LHFPL2: variants seen among roughly 807,000 people sequenced by gnomAD.
LHFPL2 encodes the protein LHFPL tetraspan subfamily member 2 protein.
Under a neutral mutation model 17.5 loss-of-function variants are expected in LHFPL2, and 7 were observed. That is an observed-to-expected ratio of 0.40 (90% CI 0.23 to 0.75). The LOEUF (loss-of-function observed/expected upper bound fraction) is 0.75, where lower values mean the gene tolerates loss of function less well. LHFPL2 is among the 30% of genes least tolerant of loss of function. The pLI, the probability that LHFPL2 is intolerant of heterozygous loss-of-function variation, is 0.37. For missense variants in LHFPL2, 241 were observed against 294.8 expected, an observed-to-expected ratio of 0.82 and a Z score of 1.34; for synonymous variants, 134 against 116.2, an observed-to-expected ratio of 1.15 and a Z score of -0.99.
At chr5:78,583,645 G>C (rs1438267420) in intron 2 of LHFPL2, among the ~76,000 whole-genome samples, 5 of 152,326 alleles carry the variant, frequency 3.3e-5, no homozygotes, top group Admixed American at 6.5e-5. Flanking sequence ...TTTCTGCCAA[G>C]AGATCTGCTG....
chr5:78,623,949 C>A (rs1030320661), intron 2 of LHFPL2, among the ~76,000 whole-genome samples: 1 of 152,186 alleles, frequency 6.6e-6, no homozygotes, highest in Non-Finnish European at 1.5e-5. Context: ...ACTATAAGGA[C>A]ACTACCACCA....
Position 78,648,302 on chromosome 5 carries a change from C to A in LHFPL2, c.-350+197G>T, listed in dbSNP as rs1345172543. Among the ~76,000 whole-genome samples the A allele has an allele frequency of 6.6e-6, 1 of 152,088 alleles. No homozygotes were observed. Among genetic ancestry groups the A allele is most frequent in the Non-Finnish European group, 1.5e-5 (1 of 67,978 alleles). On this transcript the variant is annotated intron_variant, in intron 1 of 4. Coordinates refer to ENST00000380345, the MANE Select transcript of LHFPL2 (RefSeq NM_005779.3). The surrounding 1 kb of genome is among the most constrained non-coding windows in gnomAD (Gnocchi z 5.4). ...CTTCCCATTCCCAGCACCCAACGCCCATCCCGCAGCACCTCCGACCGCTCG... is the reference window on the plus strand; with the variant it reads ...CTTCCCATTCCCAGCACCCAACGCCAATCCCGCAGCACCTCCGACCGCTCG...
intron 3 of LHFPL2, among the ~76,000 whole-genome samples, chr5:78,551,574 G>C (rs1007438123): frequency 6.6e-6 from 1 of 152,252 alleles, no homozygotes; most frequent in Non-Finnish European, 1.5e-5. Flanking sequence ...ATAAAAGACT[G>C]TTGGGGCTCA....
At chr5:78,503,293 G>A (rs555819945) in intron 4 of LHFPL2, among the ~76,000 whole-genome samples, 1 of 152,350 alleles carries the variant, frequency 6.6e-6, no homozygotes, top group African/African-American at 2.4e-5. Flanking sequence ...CAATTAAGTA[G>A]TTGCCATGGC....
intron 3 of LHFPL2, among the ~76,000 whole-genome samples, chr5:78,560,765 A>G (rs1283843644): frequency 1.3e-5 from 2 of 152,212 alleles, no homozygotes; most frequent in South Asian, 2.1e-4. Context: ...AAACCTGTTA[A>G]TTGTCAGACT....
chr5:78,618,681 C>T (rs374715005), intron 2 of LHFPL2, among the ~76,000 whole-genome samples: 1 of 152,200 alleles, frequency 6.6e-6, no homozygotes, highest in African/African-American at 2.4e-5. Context: ...CACGTACTTT[C>T]GTCATCTCTA....
chr5:78,567,222 T>C (rs1030241578), intron 2 of LHFPL2, among the ~76,000 whole-genome samples: 1 of 152,122 alleles, frequency 6.6e-6, no homozygotes, highest in Admixed American at 6.5e-5. Context: ...AAAATAACAG[T>C]CATTTAGGAA....
intron 2 of LHFPL2, among the ~76,000 whole-genome samples, chr5:78,584,409 T>G (rs1357357995): frequency 6.6e-6 from 1 of 152,142 alleles, no homozygotes; most frequent in Non-Finnish European, 1.5e-5. Flanking sequence ...CCCATCTTTG[T>G]GGTTTTATCT....
At chr5:78,599,740 T>C (rs1296612898) in intron 2 of LHFPL2, among the ~76,000 whole-genome samples, 1 of 152,156 alleles carries the variant, frequency 6.6e-6, no homozygotes, top group East Asian at 1.9e-4. Flanking sequence ...TCTTGTCTAG[T>C]TGTGACTTAG....
At chr5:78,489,419 T>TG (rs1194591342) in intron 4 of LHFPL2, among the ~76,000 whole-genome samples, 14 of 152,254 alleles carry the variant, frequency 9.2e-5, no homozygotes, top group African/African-American at 3.1e-4. Context: ...ACTTTTCTTC[T>TG]TCTTAAGACA....
At chr5:78,493,977 T>C (rs970752876) in intron 4 of LHFPL2, among the ~76,000 whole-genome samples, 14 of 152,162 alleles carry the variant, frequency 9.2e-5, no homozygotes, top group African/African-American at 3.4e-4. Context: ...AAATGGAAGG[T>C]AAAGGATGCT....
chr5:78,489,094 T>G lies in LHFPL2; in HGVS notation c.490A>C (p.Ile164Leu), dbSNP rs780360886. Residue 164 changes from isoleucine (I) to leucine (L), a missense_variant, in exon 5 of 5, where the codon ATA becomes CTA. Transcript: ENST00000380345. ...YPAGWGCQKA[I>L]DYCGHYASAY... Reference sequence around the variant, plus strand: ...GATGCATAATGTCCACAGTAGTCTATGGCCTTCTGGCAACCCCAGCCAGCA... The same window carrying G: ...GATGCATAATGTCCACAGTAGTCTAGGGCCTTCTGGCAACCCCAGCCAGCA... 6.2e-7 allele frequency: 1 copy of G among 1,614,214 alleles called. No homozygotes were observed. Among genetic ancestry groups the G allele is most frequent in the East Asian group, 2.2e-5 (1 of 44,880 alleles).
chr5:78,524,670 A>G (rs1301311066), intron 3 of LHFPL2, among the ~76,000 whole-genome samples: 2 of 151,040 alleles, frequency 1.3e-5, no homozygotes, highest in Non-Finnish European at 2.9e-5. Flanking sequence ...TGAACCCAGA[A>G]GGCAGAGTTT....
chr5:78,529,542 A>C (rs1043429565), intron 3 of LHFPL2, among the ~76,000 whole-genome samples: 10 of 152,188 alleles, frequency 6.6e-5, no homozygotes, highest in African/African-American at 2.2e-4. Flanking sequence ...CCACGCAGCA[A>C]GGCTGGCATG....
rs1754255556 is a variant in LHFPL2 at position 78,486,717 on chromosome 5, C to CA, written c.*2179dup. On this transcript the variant is annotated 3_prime_UTR_variant, in exon 5 of 5. Coordinates refer to ENST00000380345, the MANE Select transcript of LHFPL2 (RefSeq NM_005779.3). ...TGAGTTTATTATGGCCAAGAAGTCACACTCCCTTGTGACTGTTCCCAGGTT... is the reference window on the plus strand; with the variant it reads ...TGAGTTTATTATGGCCAAGAAGTCACAACTCCCTTGTGACTGTTCCCAGGTT... 6.6e-6 allele frequency: 1 copy of CA among 152,158 alleles called. No homozygotes were observed. Among genetic ancestry groups the CA allele is most frequent in the African/African-American group, 2.4e-5 (1 of 41,404 alleles). The allele number at this position is 152,158 out of a possible 1,614,324, so 9.4% of individuals were successfully genotyped here. A position where few individuals can be genotyped will look rare whatever the true frequency, so the allele number is the denominator to read the frequency against.
intron 2 of LHFPL2, among the ~76,000 whole-genome samples, chr5:78,579,399 A>T (rs577316058): frequency 6.6e-5 from 10 of 152,088 alleles, no homozygotes; most frequent in Admixed American, 3.3e-4. Flanking sequence ...TGTGCAGGTT[A>T]GTTACATATG....
At chr5:78,573,318 T>C (rs1183348220) in intron 2 of LHFPL2, among the ~76,000 whole-genome samples, 2 of 152,178 alleles carry the variant, frequency 1.3e-5, no homozygotes, top group African/African-American at 2.4e-5. Flanking sequence ...TGAGCTAAAC[T>C]GAAAGGATGA....
chr5:78,568,815 C>T, intron 2 of LHFPL2, among the ~76,000 whole-genome samples: 1 of 152,152 alleles, frequency 6.6e-6, no homozygotes, highest in East Asian at 1.9e-4. Flanking sequence ...AGAATGGGAG[C>T]TTCATGGCAG....
intron 2 of LHFPL2, among the ~76,000 whole-genome samples, chr5:78,599,461 G>A (rs923924029): frequency 1.3e-4 from 19 of 141,170 alleles, no homozygotes; most frequent in East Asian, 1.2e-3. Context: ...CATCATGCCC[G>A]GCTAATTTTT....
Sources: gnomAD v4.1 joint callset for allele counts (sites outside exome capture counted in the v4.1 genomes callset) on GRCh38, gnomAD v4.1.1 for gene constraint, Gnocchi (gnomAD v3.1) non-coding constraint, MANE v1.5 for transcripts, NCBI Gene and HGNC (gene_info 2026-07-23, HGNC 2026-07-21) for gene names.